RNF125: variants seen among roughly 807,000 people sequenced by gnomAD.
The protein encoded by RNF125 is E3 ubiquitin-protein ligase RNF125.
A neutral mutation model predicts 26.0 loss-of-function variants in RNF125; 21 were observed. The ratio of observed to expected loss-of-function variants is 0.81; its 90% CI spans 0.57 to 1.16. The LOEUF is 1.16. Among genes scored for constraint, RNF125 ranks in the 50% most tolerant of loss-of-function variants. The pLI is 0.00. For missense variants in RNF125, 270 were observed against 299.4 expected (o/e 0.90, Z 0.72); for synonymous variants, 95 against 109.2 (o/e 0.87, Z 0.81).
At chr18:32,082,566 TCAAA>T in the RNF125 span, among the ~76,000 whole-genome samples, 1 of 152,242 alleles carries the variant, frequency 6.6e-6, no homozygotes, top group South Asian at 2.1e-4. Context: ...ATAAAGTTTG[TCAAA>T]CAGAGTGTAC....
intron 4 of RNF125, among the ~76,000 whole-genome samples, chr18:32,057,613 G>C (rs1366674727): frequency 6.6e-6 from 1 of 151,984 alleles, no homozygotes; most frequent in Non-Finnish European, 1.5e-5. Context: ...GGGATTACAG[G>C]CATGAGCTAC....
At chr18:32,030,146 C>T (rs1301997276) in intron 1 of RNF125, among the ~76,000 whole-genome samples, 1 of 152,156 alleles carries the variant, frequency 6.6e-6, no homozygotes, top group African/African-American at 2.4e-5. Flanking sequence ...CTGGTTCAAG[C>T]GATTCTCCTG....
At chr18:32,051,318 G>T (rs139284813) in intron 4 of RNF125, among the ~76,000 whole-genome samples, 71 of 152,058 alleles carry the variant, frequency 4.7e-4, no homozygotes, top group African/African-American at 1.6e-3. Context: ...GTGGAAAAAA[G>T]ATAGTAAAGA....
chr18:32,061,914 G>A (rs116247704), intron 4 of RNF125, among the ~76,000 whole-genome samples: 2,342 of 152,274 alleles, frequency 0.015, 57 homozygotes, highest in African/African-American at 0.053. Flanking sequence ...GAACATCAGC[G>A]AGAGGCTGAA....
At chr18:32,034,538 A>C (rs2039132840) in intron 1 of RNF125, among the ~76,000 whole-genome samples, 1 of 152,206 alleles carries the variant, frequency 6.6e-6, no homozygotes, top group Non-Finnish European at 1.5e-5. Context: ...GGAGTGTATT[A>C]AGATTAAATG....
chr18:32,049,978 A>G (rs75066549), intron 4 of RNF125, among the ~76,000 whole-genome samples: 14 of 152,036 alleles, frequency 9.2e-5, no homozygotes, highest in Non-Finnish European at 1.6e-4. Context: ...GCTGGGTCCA[A>G]TGCTGATTCT....
chr18:32,024,940 G>A (rs577408811), intron 1 of RNF125, among the ~76,000 whole-genome samples: 116 of 152,138 alleles, frequency 7.6e-4, no homozygotes, highest in Non-Finnish European at 1.4e-3. Flanking sequence ...AAAATTAGCC[G>A]GGCATGGTGG....
intron 1 of RNF125, among the ~76,000 whole-genome samples, chr18:32,024,338 C>T (rs1025187825): frequency 5.3e-5 from 8 of 151,430 alleles, no homozygotes; most frequent in African/African-American, 1.2e-4. Context: ...GGATTACAGG[C>T]GTGCACCACC....
At chr18:32,064,064 G>A (rs1044421401) in intron 4 of RNF125, among the ~76,000 whole-genome samples, 3 of 150,830 alleles carry the variant, frequency 2.0e-5, no homozygotes, top group East Asian at 1.9e-4. Context: ...GTGCGATCTC[G>A]GCTTACTGCA....
At chr18:32,037,978 T>C (rs1181912347) in intron 2 of RNF125, among the ~76,000 whole-genome samples, 2 of 151,366 alleles carry the variant, frequency 1.3e-5, no homozygotes. Flanking sequence ...TTCCATGTTG[T>C]GGGAGCTTTG....
At chr18:32,082,891 T>C in the RNF125 span, among the ~76,000 whole-genome samples, 1 of 152,198 alleles carries the variant, frequency 6.6e-6, no homozygotes, top group Non-Finnish European at 1.5e-5. Flanking sequence ...TTGTGAGATA[T>C]ACCCATCCTC....
intron 4 of RNF125, among the ~76,000 whole-genome samples, chr18:32,055,485 G>A (rs1341045879): frequency 1.3e-5 from 2 of 152,080 alleles, no homozygotes; most frequent in African/African-American, 2.4e-5. Context: ...AGGAATTATG[G>A]CAGAAGGCAA....
chr18:32,080,881 G>A, the RNF125 span, among the ~76,000 whole-genome samples: 1,765 of 151,900 alleles, frequency 0.012, 22 homozygotes, highest in Non-Finnish European at 0.017. Flanking sequence ...GTCTCAAAAA[G>A]GCAAAAAAAA....
intron 1 of RNF125, among the ~76,000 whole-genome samples, chr18:32,028,385 G>C (rs1286958334): frequency 2.0e-5 from 3 of 149,748 alleles, no homozygotes; most frequent in Non-Finnish European, 4.4e-5. Flanking sequence ...TCAGACTCTT[G>C]GTTAATCTCC....
rs1224021615 is a variant in RNF125 at position 32,070,209 on chromosome 18, T to A, written c.*1825T>A. ...GTGCACGCCACCATGCCCGGCTAAT[T>A]TTTGTATTTTTAGTAGAGGGGTTTC... On this transcript the variant is annotated 3_prime_UTR_variant, in exon 6 of 6. Transcript: ENST00000217740. 1 of 152,094 alleles carries A rather than the reference T, an allele frequency of 6.6e-6. No homozygotes were observed. The highest frequency in any genetic ancestry group is 1.5e-5 in the Non-Finnish European group (1 of 68,062). The allele number at this position is 152,094 out of a possible 1,614,324, so 9.4% of individuals were successfully genotyped here.
chr18:32,052,996 A>G (rs2039343450), intron 4 of RNF125, among the ~76,000 whole-genome samples: 1 of 152,256 alleles, frequency 6.6e-6, no homozygotes, highest in South Asian at 2.1e-4. Flanking sequence ...GTTCTGACAC[A>G]CTTATTTTCT....
chr18:32,076,049 G>T, downstream of RNF125: 3 of 734,304 alleles, frequency 4.1e-6, no homozygotes, highest in South Asian at 4.1e-5. Flanking sequence ...TCAAATCTGG[G>T]GCTAATCACT....
At chr18:32,036,644 A>AGAGGGGAGGGAGGGAGGGGG (rs2039158728) in intron 1 of RNF125, among the ~76,000 whole-genome samples, 1 of 39,736 alleles carries the variant, frequency 2.5e-5, no homozygotes, top group Non-Finnish European at 4.7e-5. Flanking sequence ...GAGGGAGGGG[A>AGAGGGGAGGGAGGGAGGGGG]GAGGGGAGGG....
the RNF125 span, among the ~76,000 whole-genome samples, chr18:32,085,408 A>AGAGAGAGAAAGC: frequency 6.7e-6 from 1 of 148,158 alleles, no homozygotes; most frequent in African/African-American, 2.6e-5. Context: ...AGAGAGAGAG[A>AGAGAGAGAAAGC]GAGAGAGAAA....
Sources: gnomAD v4.1 joint callset for allele counts (sites outside exome capture counted in the v4.1 genomes callset) on GRCh38, gnomAD v4.1.1 for gene constraint, MANE v1.5 for transcripts, NCBI Gene and HGNC (gene_info 2026-07-23, HGNC 2026-07-21) for gene names.